STX7: variants seen among roughly 807,000 people sequenced by gnomAD.
STX7 encodes syntaxin 7.
In STX7, 34 loss-of-function variants were observed where a neutral mutation model predicts 39.6. That is an observed-to-expected ratio of 0.86 (90% CI 0.65 to 1.14). The LOEUF (loss-of-function observed/expected upper bound fraction) is 1.14. Ranked by LOEUF, STX7 falls within the 50% of genes most tolerant of loss-of-function variation. STX7 has a pLI of 0.00. For synonymous variants in STX7, 119 were observed against 99.1 expected (o/e 1.20, Z -1.19); for missense variants, 284 against 310.4 (o/e 0.92, Z 0.64).
intron 2 of STX7, among the ~76,000 whole-genome samples, chr6:132,494,618 G>A (rs1450046186): frequency 1.3e-5 from 2 of 152,136 alleles, no homozygotes; most frequent in African/African-American, 2.4e-5. Context: ...AGGTGAGGAT[G>A]AGCTGACTGT....
At position 132,452,173 on chromosome 6, in the gene STX7, A is replaced by G. The variant is rs1774148909; in HGVS notation, c.*8585T>C. ...ATTAAGGCAGAAAAAGCATTTGACA[A>G]AATTCAACATAAAATTCATAATAAA... On this transcript the variant is annotated 3_prime_UTR_variant, in exon 10 of 10. Transcript: ENST00000367941. 1 of 152,208 alleles carries G rather than the reference A, an allele frequency of 6.6e-6. No homozygotes were observed. The highest frequency in any genetic ancestry group is 1.5e-5 in the Non-Finnish European group (1 of 68,018). The allele number at this position is 152,208 out of a possible 1,614,324, so 9.4% of individuals were successfully genotyped here. A position where few individuals can be genotyped will look rare whatever the true frequency, so the allele number is the denominator to read the frequency against.
chr6:132,472,493 G>T, intron 3 of STX7, 118 bp from the exon 4 acceptor site: 1 of 629,402 alleles, frequency 1.6e-6, no homozygotes, highest in Non-Finnish European at 2.6e-6. Flanking sequence ...TTCATAAACT[G>T]GCTCTCAACT....
chr6:132,493,961 C>T (rs896935402), intron 2 of STX7, among the ~76,000 whole-genome samples: 1 of 152,110 alleles, frequency 6.6e-6, no homozygotes, highest in Admixed American at 6.5e-5. Flanking sequence ...AATTACTGAG[C>T]ATAGATCATG....
chr6:132,488,142 C>T (rs1410719767), intron 2 of STX7, among the ~76,000 whole-genome samples: 1 of 152,128 alleles, frequency 6.6e-6, no homozygotes, highest in East Asian at 1.9e-4. Flanking sequence ...TCTCTTTGAT[C>T]CATAGCTTAT....
intron 9 of STX7, among the ~76,000 whole-genome samples, chr6:132,462,582 G>GTTGTGT (rs1554246700): frequency 6.9e-6 from 1 of 144,896 alleles, no homozygotes; most frequent in African/African-American, 2.6e-5. Flanking sequence ...CATTTGCAGG[G>GTTGTGT]GTGTGTGTGT....
intron 2 of STX7, among the ~76,000 whole-genome samples, chr6:132,483,417 A>C (rs952756667): frequency 1.3e-5 from 2 of 152,216 alleles, no homozygotes; most frequent in African/African-American, 4.8e-5. Flanking sequence ...TACTGCAGTC[A>C]CTGCATTAAG....
At chr6:132,489,442 T>C (rs935999223) in intron 2 of STX7, among the ~76,000 whole-genome samples, 2 of 152,146 alleles carry the variant, frequency 1.3e-5, no homozygotes, top group African/African-American at 4.8e-5. Context: ...AAAAAGTGTA[T>C]CACAAGTAGA....
chr6:132,462,332 C>T (rs1038512401), intron 9 of STX7, among the ~76,000 whole-genome samples: 8 of 152,198 alleles, frequency 5.3e-5, no homozygotes, highest in Admixed American at 3.9e-4. Flanking sequence ...CATCTCGTCC[C>T]GCTTCGGGAG....
At chr6:132,475,147 A>G (rs1205720087) in intron 3 of STX7, 3 of 151,290 alleles carry the variant, frequency 2.0e-5, no homozygotes, top group Non-Finnish European at 2.9e-5. Context: ...TTTTTAAGAC[A>G]GAGTCTTGCT....
At position 132,458,052 on chromosome 6, in the gene STX7, A is replaced by G. The variant is rs1401479786; in HGVS notation, c.*2706T>C. 38 of 152,254 alleles carry G rather than the reference A, an allele frequency of 2.5e-4. No homozygotes were observed. Among genetic ancestry groups the G allele is most frequent in the Non-Finnish European group, 1.5e-5 (1 of 68,050 alleles). The allele number at this position is 152,254 out of a possible 1,614,324, so 9.4% of individuals were successfully genotyped here. On this transcript the variant is annotated 3_prime_UTR_variant, in exon 10 of 10. Transcript: ENST00000367941. ...AACCACAGATGTATTTCATGGAAAG[A>G]GGGGCCTTTAAAGGCACTTATTTAT...
chr6:132,476,108 C>A (rs1341291524), intron 2 of STX7, among the ~76,000 whole-genome samples: 2 of 152,096 alleles, frequency 1.3e-5, no homozygotes, highest in Non-Finnish European at 2.9e-5. Flanking sequence ...CATGTAATAA[C>A]TGATTTCAGC....
rs1007824966 is a variant in STX7 at position 132,446,054 on chromosome 6, G to C, written c.*14704C>G. ...GTTAAGGTATTAAAGATGAAAGCTA[G>C]TACCCTTACAACTATTTATATTGCA... On this transcript the variant is annotated 3_prime_UTR_variant, in exon 10 of 10. Transcript: ENST00000367941. 6.6e-6 allele frequency: 1 copy of C among 152,210 alleles called. No individual in the cohort carries two copies. The highest frequency in any genetic ancestry group is 1.5e-5 in the Non-Finnish European group (1 of 68,048). 9.4% of individuals were successfully genotyped at this position (152,210 alleles called of 1,614,324 possible). A position where few individuals can be genotyped will look rare whatever the true frequency, so the allele number is the denominator to read the frequency against.
At chr6:132,500,510 C>T (rs1342145466) in intron 2 of STX7, among the ~76,000 whole-genome samples, 1 of 152,166 alleles carries the variant, frequency 6.6e-6, no homozygotes, top group Non-Finnish European at 1.5e-5. Context: ...CATTCAAAGA[C>T]CATCTAAAGT....
rs768719136 is a variant in STX7 at position 132,469,992 on chromosome 6, G to T, written c.496C>A (p.Arg166Ser). 3.1e-6 allele frequency: 5 copies of T among 1,600,088 alleles called. No individual in the cohort carries two copies. In the South Asian group the frequency reaches 5.6e-5, roughly 18 times the overall value. ...GAAGATTCTCTCTCATGAATAAGAC[G>T]GAGGTCATCCTCTGTAATTTCTTCA... is the stretch of plus-strand genomic sequence containing the variant. ...QDEEITEDDL[R>S]LIHERESSIR... The change falls in exon 7 of 10, where the codon CGT becomes AGT. Residue 166 changes from arginine (R) to serine (S), a missense_variant. Arg to Ser is a moderately radical substitution (Grantham distance 110). Coordinates refer to ENST00000367941, the MANE Select transcript of STX7 (RefSeq NM_003569.3).
rs145264849 is a variant in STX7, at chr6:132,503,532, G to A, written c.-2C>T. On this transcript the variant is annotated 5_prime_UTR_variant, in exon 2 of 10. Coordinates refer to ENST00000367941, the MANE Select transcript of STX7 (RefSeq NM_003569.3). ...ACCAACTCCTGGAGTGTAAGACATG[G>A]TTGATGTTCTTATTCGCTAATTTCA... 1.2e-6 allele frequency: 2 copies of A among 1,613,218 alleles called. No homozygotes were observed. Among genetic ancestry groups the A allele is most frequent in the South Asian group, 1.1e-5 (1 of 91,016 alleles).
At chr6:132,502,761 T>A (rs1775604100) in intron 2 of STX7, among the ~76,000 whole-genome samples, 2 of 151,892 alleles carry the variant, frequency 1.3e-5, no homozygotes. Flanking sequence ...TAGCCGGGCG[T>A]GGTGGCGGGC....
Position 132,461,317 on chromosome 6 carries a change from T to C in STX7, c.694-467A>G, listed in dbSNP as rs183936243. Among the ~76,000 whole-genome samples, 15 of 152,262 alleles carry C rather than the reference T, an allele frequency of 9.9e-5. No individual in the cohort carries two copies. In the East Asian group the frequency reaches 2.7e-3, roughly 27 times the overall value. On this transcript the variant is annotated intron_variant, in intron 9 of 9. Transcript: ENST00000367941. ...TTTCTTCACATATATTTCTTTTCTT[T>C]TTTTTTTGAGATGGAGTCTTGCTCT... is the stretch of plus-strand genomic sequence containing the variant.
intron 9 of STX7, among the ~76,000 whole-genome samples, chr6:132,463,747 C>T (rs905009842): frequency 6.6e-6 from 1 of 152,182 alleles, no homozygotes; most frequent in South Asian, 2.1e-4. Flanking sequence ...ATTGTCTCTG[C>T]CGCCCAAACA....
intron 1 of STX7, among the ~76,000 whole-genome samples, chr6:132,511,814 A>C (rs1483085210): frequency 6.6e-6 from 1 of 152,180 alleles, no homozygotes; most frequent in East Asian, 1.9e-4. Flanking sequence ...ACTTACTGTG[A>C]ATATTTTCTA....
Sources: gnomAD v4.1 joint callset for allele counts (sites outside exome capture counted in the v4.1 genomes callset) on GRCh38, gnomAD v4.1.1 for gene constraint, MANE v1.5 for transcripts, NCBI Gene and HGNC (gene_info 2026-07-23, HGNC 2026-07-21) for gene names.